The following ANO4 variants were observed in gnomAD, a reference collection of about 807,000 sequenced individuals.
ANO4 encodes the protein anoctamin 4.
A neutral mutation model predicts 141.9 loss-of-function variants in ANO4; 69 were observed. That is an observed-to-expected ratio of 0.49 (90% CI 0.40 to 0.59). The LOEUF (loss-of-function observed/expected upper bound fraction) is 0.59, where lower values mean the gene tolerates loss of function less well. Among genes scored for constraint, ANO4 ranks in the 20% least tolerant of loss-of-function variants. The pLI is 0.00. For synonymous variants in ANO4, 350 were observed against 394.3 expected (o/e 0.89, Z 1.33); for missense variants, 894 against 1,162.2 (o/e 0.77, Z 3.36).
chr12:101,051,528 GA>G (rs1370684967), intron 14 of ANO4, among the ~76,000 whole-genome samples: 1 of 152,154 alleles, frequency 6.6e-6, no homozygotes, highest in African/African-American at 2.4e-5. Context: ...TTTGTAGATA[GA>G]GATAATGCCT....
At chr12:100,959,360 G>C (rs1295611174) in intron 5 of ANO4, among the ~76,000 whole-genome samples, 2 of 151,874 alleles carry the variant, frequency 1.3e-5, no homozygotes, top group Non-Finnish European at 2.9e-5. Context: ...TCTCTACTCA[G>C]TTGTTACAAA....
intron 1 of ANO4, chr12:100,717,560 G>A: frequency 2.5e-6 from 1 of 399,870 alleles, no homozygotes; most frequent in Non-Finnish European, 4.4e-6. Context: ...AACTGGGGCC[G>A]TCGCGGGTTC....
intron 2 of ANO4, among the ~76,000 whole-genome samples, chr12:100,908,532 T>A (rs1407741036): frequency 1.3e-5 from 2 of 150,110 alleles, no homozygotes; most frequent in South Asian, 2.1e-4. Flanking sequence ...ACTTGTTATT[T>A]AAAAAAAGTA....
intron 1 of ANO4, among the ~76,000 whole-genome samples, chr12:100,854,493 A>G (rs998690864): frequency 3.3e-5 from 5 of 152,146 alleles, no homozygotes; most frequent in African/African-American, 9.7e-5. Flanking sequence ...ATGTATACAC[A>G]GCATTGAGTA....
At chr12:100,812,301 G>C (rs2035487385) in intron 1 of ANO4, among the ~76,000 whole-genome samples, 1 of 151,984 alleles carries the variant, frequency 6.6e-6, no homozygotes, top group Admixed American at 6.6e-5. Context: ...CCCTGATGAT[G>C]GTGCCTTGTG....
intron 2 of ANO4, among the ~76,000 whole-genome samples, chr12:100,916,053 CTT>C (rs147292840): frequency 0.71 from 107,872 of 151,792 alleles, 39,344 homozygotes; most frequent in African/African-American, 0.88. Flanking sequence ...AGTAATGTAA[CTT>C]TTACATTGTT....
chr12:100,933,021 C>A (rs1473404666), intron 3 of ANO4, among the ~76,000 whole-genome samples: 2 of 152,116 alleles, frequency 1.3e-5, no homozygotes, highest in Non-Finnish European at 2.9e-5. Context: ...TAATTCTGTT[C>A]ACACAGCCCT....
In ANO4 at chr12:100,877,047, C is replaced by T. The variant is rs192167743; in HGVS notation, c.-140-24599C>T. The stretch of plus-strand genomic sequence containing the variant: ...GAAAGACAAATACTGCATGATCTCA[C>T]TTATATGTGGAATATTAAAAAATAA... On this transcript the variant is annotated intron_variant, in intron 1 of 27. Coordinates refer to ENST00000392977, the MANE Select transcript of ANO4 (RefSeq NM_001286615.2). Among the ~76,000 whole-genome samples, 28 of 152,138 alleles carry T rather than the reference C, an allele frequency of 1.8e-4. No individual in the cohort carries two copies. The East Asian group carries it at 4.8e-3, about 26-fold the overall frequency.
At chr12:100,806,694 AC>A (rs1949174130) in intron 1 of ANO4, among the ~76,000 whole-genome samples, 1 of 150,240 alleles carries the variant, frequency 6.7e-6, no homozygotes, top group South Asian at 2.1e-4. Flanking sequence ...ACAGGTGCCC[AC>A]CACCATGCCC....
chr12:100,828,012 T>C (rs533832244), intron 1 of ANO4, among the ~76,000 whole-genome samples: 1 of 152,122 alleles, frequency 6.6e-6, no homozygotes, highest in East Asian at 1.9e-4. Flanking sequence ...TCTAGAGTCT[T>C]AGTTCCAGAA....
chr12:101,018,023 T>C (rs1428536147), intron 8 of ANO4, among the ~76,000 whole-genome samples: 1 of 152,224 alleles, frequency 6.6e-6, no homozygotes, highest in African/African-American at 2.4e-5. Context: ...CAGAAAACCA[T>C]TTAATGGAGG....
chr12:100,957,812 A>G (rs965599018), intron 5 of ANO4, among the ~76,000 whole-genome samples: 2 of 152,232 alleles, frequency 1.3e-5, no homozygotes, highest in African/African-American at 4.8e-5. Flanking sequence ...TATTTTCTTC[A>G]TAAATTACCC....
chr12:100,807,366 C>T (rs2035122486), intron 1 of ANO4, among the ~76,000 whole-genome samples: 1 of 152,138 alleles, frequency 6.6e-6, no homozygotes, highest in Non-Finnish European at 1.5e-5. Flanking sequence ...CAGTTCCACA[C>T]TGTGTTAATC....
At chr12:100,778,416 A>T (rs2033604806) in intron 3 of ANO4, among the ~76,000 whole-genome samples, 1 of 152,184 alleles carries the variant, frequency 6.6e-6, no homozygotes, top group Non-Finnish European at 1.5e-5. Context: ...AAAACTAAAT[A>T]TTATGGCAGC....
chr12:101,120,705 G>T, intron 26 of ANO4, 80 bp downstream of exon 26: 1 of 1,109,652 alleles, frequency 9.0e-7, no homozygotes, highest in Non-Finnish European at 1.4e-6. Context: ...TAAGTGATGG[G>T]GATTTTGAAT....
At chr12:101,051,706 A>T (rs1338652230) in intron 14 of ANO4, among the ~76,000 whole-genome samples, 1 of 152,238 alleles carries the variant, frequency 6.6e-6, no homozygotes, top group Admixed American at 6.5e-5. Context: ...CTCATATGAC[A>T]GATAAGGAAA....
chr12:100,992,453 C>T (rs1348552572), intron 8 of ANO4, among the ~76,000 whole-genome samples: 1 of 152,110 alleles, frequency 6.6e-6, no homozygotes, highest in Non-Finnish European at 1.5e-5. Flanking sequence ...TCTTCCGATT[C>T]TTTCCTTCTT....
rs200172974 is a variant in ANO4, at chr12:101,096,630, C to T, written c.1833C>T (p.Ile611=). Residue 611 remains isoleucine, a synonymous_variant, in exon 19 of 28, where the codon ATC becomes ATT. Coordinates refer to ENST00000392977, the MANE Select transcript of ANO4 (RefSeq NM_001286615.2). ...ATCTGAACAGCTCCACATTTTACAT[C>T]GCATTCTTCCTCGGAAGGTAAGAAC... The part of the protein sequence containing the change: ...FVNLNSSTFY[I]AFFLGRFTGH... 8.9e-5 allele frequency: 144 copies of T among 1,613,056 alleles called. 1 individual carries two copies. The Admixed American group carries it at 1.2e-3, about 13-fold the overall frequency.
chr12:100,795,082 G>T (rs1428637916), intron 1 of ANO4, 55 bp downstream of exon 1: 1 of 152,628 alleles, frequency 6.6e-6, no homozygotes, highest in Non-Finnish European at 1.5e-5. Flanking sequence ...TGAACCGTTC[G>T]TTCCCCCTCT....
Sources: allele counts gnomAD v4.1 joint callset (sites outside exome capture counted in the v4.1 genomes callset), GRCh38; gene constraint gnomAD v4.1.1; transcripts MANE v1.5; gene names NCBI Gene and HGNC (gene_info 2026-07-23, HGNC 2026-07-21).